ADRA1B: variants seen among roughly 807,000 people sequenced by gnomAD.
ADRA1B encodes adrenoceptor alpha 1B.
ADRA1B carries 17 observed loss-of-function variants against 17.9 expected under a neutral mutation model. The ratio of observed to expected loss-of-function variants is 0.95; its 90% confidence interval spans 0.65 to 1.42. The LOEUF (loss-of-function observed/expected upper bound fraction) is 1.42, where lower values mean the gene tolerates loss of function less well. Ranked by LOEUF, ADRA1B falls within the 40% of genes most tolerant of loss-of-function variation. The pLI is 0.00. For missense variants in ADRA1B, 681 were observed against 722.1 expected, an observed-to-expected ratio of 0.94 and a Z score of 0.65; for synonymous variants, 366 against 327.6, an observed-to-expected ratio of 1.12 and a Z score of -1.27.
intron 1 of ADRA1B, among the ~76,000 whole-genome samples, chr5:159,930,133 T>C (rs1754760506): frequency 6.6e-6 from 1 of 152,220 alleles, no homozygotes; most frequent in Non-Finnish European, 1.5e-5. Context: ...AATTTCCCAG[T>C]TGATTGACAT....
At chr5:159,895,401 G>A (rs565355788) in intron 1 of ADRA1B, among the ~76,000 whole-genome samples, 3 of 152,324 alleles carry the variant, frequency 2.0e-5, no homozygotes, top group South Asian at 2.1e-4. Context: ...CCTCATTGAA[G>A]CTTCACCACC....
At chr5:159,963,244 A>G (rs1264441621) in intron 1 of ADRA1B, among the ~76,000 whole-genome samples, 2 of 149,100 alleles carry the variant, frequency 1.3e-5, no homozygotes, top group Non-Finnish European at 1.5e-5. Flanking sequence ...ACCTTTCTAT[A>G]CATGAGCATT....
chr5:159,975,169 C>T (rs138551441), downstream of ADRA1B, among the ~76,000 whole-genome samples: 363 of 152,254 alleles, frequency 2.4e-3, 2 homozygotes, highest in South Asian at 0.011. Flanking sequence ...ACAAATCTTA[C>T]GCAGAAATCT....
At chr5:159,956,104 C>G (rs376136781) in intron 1 of ADRA1B, among the ~76,000 whole-genome samples, 1 of 152,026 alleles carries the variant, frequency 6.6e-6, no homozygotes, top group Non-Finnish European at 1.5e-5. Flanking sequence ...ATTGGCCAGG[C>G]CTGGTGACAC....
At chr5:159,932,317 C>A (rs990637991) in intron 1 of ADRA1B, among the ~76,000 whole-genome samples, 1 of 152,000 alleles carries the variant, frequency 6.6e-6, no homozygotes, top group East Asian at 1.9e-4. Flanking sequence ...CCACCACACC[C>A]AGCTAATTTG....
At chr5:159,979,185 A>C in the ADRA1B span, among the ~76,000 whole-genome samples, 1 of 152,076 alleles carries the variant, frequency 6.6e-6, no homozygotes, top group African/African-American at 2.4e-5. Flanking sequence ...ATTTAGAAAA[A>C]CCTTACATAC....
At chr5:159,882,840 A>G (rs927478300) in intron 1 of ADRA1B, among the ~76,000 whole-genome samples, 1 of 152,188 alleles carries the variant, frequency 6.6e-6, no homozygotes, top group African/African-American at 2.4e-5. Flanking sequence ...AATGCAATCA[A>G]CAGAACTCAA....
chr5:159,943,391 C>T (rs1033095839), intron 1 of ADRA1B, among the ~76,000 whole-genome samples: 3 of 152,092 alleles, frequency 2.0e-5, no homozygotes, highest in Non-Finnish European at 4.4e-5. Flanking sequence ...AACAAACTTA[C>T]CTCTTAAACT....
intron 1 of ADRA1B, among the ~76,000 whole-genome samples, chr5:159,928,666 A>C (rs1754722709): frequency 6.6e-6 from 1 of 152,172 alleles, no homozygotes; most frequent in South Asian, 2.1e-4. Context: ...AAATTCTTCA[A>C]GACAGAGTTT....
intron 1 of ADRA1B, among the ~76,000 whole-genome samples, chr5:159,930,295 T>A (rs935653996): frequency 3.5e-4 from 54 of 152,328 alleles, no homozygotes; most frequent in African/African-American, 1.3e-3. Context: ...TTATGCGTAA[T>A]AAGAAATTTA....
chr5:159,963,288 G>GTATATATATATATATATACATATA (rs1755711470), intron 1 of ADRA1B, among the ~76,000 whole-genome samples: 1 of 132,702 alleles, frequency 7.5e-6, no homozygotes, highest in Non-Finnish European at 1.6e-5. Flanking sequence ...AACAAAAAAA[G>GTATATATATATATATATACATATA]TATATATATA....
Position 159,917,086 on chromosome 5 carries a change from G to T in ADRA1B, c.181G>T (p.Val61Leu), listed in dbSNP as rs574609164. 56 of 1,614,084 alleles carry T rather than the reference G, an allele frequency of 3.5e-5. No individual in the cohort carries two copies. Among genetic ancestry groups the T allele is most frequent in the Non-Finnish European group, 4.5e-5 (53 of 1,180,012 alleles). ...GGGCGCCTTCATCCTCTTTGCCATCGTGGGCAACATCCTAGTCATCTTGTC... is the reference window on the plus strand; with the variant it reads ...GGGCGCCTTCATCCTCTTTGCCATCTTGGGCAACATCCTAGTCATCTTGTC... ...VLGAFILFAIVGNILVILSVA... is the reference protein window; with the variant it reads ...VLGAFILFAILGNILVILSVA... The change falls in exon 1 of 2, where the codon GTG (valine) becomes TTG (leucine). Residue 61 changes from valine to leucine, a missense_variant. This residue lies in a region of ADRA1B where 424 missense variants were observed against 480.2 expected (regional missense o/e 0.88). Transcript: ENST00000306675.
At chr5:159,919,113 AAG>A (rs1208141846) in intron 1 of ADRA1B, among the ~76,000 whole-genome samples, 1 of 152,244 alleles carries the variant, frequency 6.6e-6, no homozygotes, top group Non-Finnish European at 1.5e-5. Flanking sequence ...TTTAAAAAGA[AAG>A]AAAAAGATTT....
chr5:159,895,360 A>G (rs946403959), intron 1 of ADRA1B, among the ~76,000 whole-genome samples: 5 of 152,214 alleles, frequency 3.3e-5, no homozygotes, highest in Non-Finnish European at 7.3e-5. Flanking sequence ...GCCACCAGGA[A>G]CTGTGCTACA....
At chr5:159,913,654 T>A (rs113680376), upstream of ADRA1B, among the ~76,000 whole-genome samples, 1,135 of 152,350 alleles carry the variant, frequency 7.4e-3, 6 homozygotes, top group Non-Finnish European at 0.012. Context: ...GAATCTCAGA[T>A]TTGCTCTTTT....
intron 1 of ADRA1B, among the ~76,000 whole-genome samples, chr5:159,928,779 A>G (rs901788975): frequency 2.6e-5 from 4 of 152,218 alleles, no homozygotes; most frequent in Non-Finnish European, 5.9e-5. Context: ...GCTCACTGTC[A>G]TTCGCAGGCG....
downstream of ADRA1B, among the ~76,000 whole-genome samples, chr5:159,976,392 C>G (rs1391535312): frequency 6.6e-6 from 1 of 152,000 alleles, no homozygotes; most frequent in Non-Finnish European, 1.5e-5. Flanking sequence ...CGGTGGCTCA[C>G]ACCTGTAATC....
intron 1 of ADRA1B, among the ~76,000 whole-genome samples, chr5:159,926,162 G>C (rs1282730980): frequency 1.3e-5 from 2 of 152,200 alleles, no homozygotes; most frequent in African/African-American, 2.4e-5. Flanking sequence ...AATACACTTT[G>C]CATTTTCTTT....
At chr5:159,886,636 G>A (rs1025664744) in intron 1 of ADRA1B, among the ~76,000 whole-genome samples, 3 of 152,142 alleles carry the variant, frequency 2.0e-5, no homozygotes, top group African/African-American at 7.2e-5. Flanking sequence ...GACCTCATAG[G>A]CCTTGGATTG....
Sources: gnomAD v4.1 joint callset for allele counts (sites outside exome capture counted in the v4.1 genomes callset) on GRCh38, gnomAD v4.1.1 for gene constraint, gnomAD v4.1.1 regional missense constraint, MANE v1.5 for transcripts, NCBI Gene and HGNC (gene_info 2026-07-23, HGNC 2026-07-21) for gene names.